The following MED13 variants were observed in gnomAD, a reference collection of about 807,000 sequenced individuals.
MED13 encodes mediator of RNA polymerase II transcription subunit 13.
MED13 carries 23 observed loss-of-function variants against 225.2 expected under a neutral mutation model. The ratio of observed to expected loss-of-function variants is 0.10; its 90% confidence interval spans 0.07 to 0.14. The LOEUF is 0.14. Among genes scored for constraint, MED13 ranks in the 10% least tolerant of loss-of-function variants. The probability of loss-of-function intolerance (pLI) is 1.00; values close to 1 mark genes in which losing one functional copy is unlikely to be tolerated. For synonymous variants in MED13, 942 were observed against 889.2 expected, an observed-to-expected ratio of 1.06 and a Z score of -1.06; for missense variants, 2,197 against 2,594.5, an observed-to-expected ratio of 0.85 and a Z score of 3.33.
chr17:62,002,090 C>G (rs1486703879), intron 9 of MED13, among the ~76,000 whole-genome samples: 2 of 152,090 alleles, frequency 1.3e-5, no homozygotes, highest in African/African-American at 2.4e-5. Context: ...TATAAACAAA[C>G]CAGGCTTCTG....
In MED13 at chr17:61,945,250, T is replaced by C. The variant is rs1411965428; in HGVS notation, c.*1218A>G. ...ACACACACACACCCATACATATGCATACTCTCACATACATTCCCAATCTTT... is the reference window on the plus strand; with the variant it reads ...ACACACACACACCCATACATATGCACACTCTCACATACATTCCCAATCTTT... On this transcript the variant is annotated 3_prime_UTR_variant, in exon 30 of 30. Coordinates refer to ENST00000397786, the MANE Select transcript of MED13 (RefSeq NM_005121.3). The C allele has an allele frequency of 2.0e-5, 3 of 151,996 alleles. No individual in the cohort carries two copies. Among genetic ancestry groups the C allele is most frequent in the Non-Finnish European group, 4.4e-5 (3 of 67,986 alleles). 9.4% of individuals were successfully genotyped at this position (151,996 alleles called of 1,614,324 possible).
intron 26 of MED13, among the ~76,000 whole-genome samples, chr17:61,953,985 T>G (rs553785817): frequency 6.6e-6 from 1 of 152,282 alleles, no homozygotes; most frequent in South Asian, 2.1e-4. Context: ...AGTAAGAGAT[T>G]AACAACGAGA....
chr17:61,958,726 C>A (rs917814005), intron 23 of MED13, among the ~76,000 whole-genome samples: 2 of 151,734 alleles, frequency 1.3e-5, no homozygotes, highest in Non-Finnish European at 2.9e-5. Flanking sequence ...GCCCACCTTG[C>A]CCTCCCAAAG....
rs535195822 is a variant in MED13 at position 62,011,095 on chromosome 17, A to T, written c.1422T>A (p.Thr474=). ...TAACAGACACACGATGGTGAAAAGGAGTCAAGGGGCGTTTCTGTGGCTTTT... is the reference window on the plus strand; with the variant it reads ...TAACAGACACACGATGGTGAAAAGGTGTCAAGGGGCGTTTCTGTGGCTTTT... ...KSEKPQKRPL[T]PFHHRVSVSD... Residue 474 remains threonine, a synonymous_variant, in exon 9 of 30, where the codon ACT becomes ACA. Transcript: ENST00000397786. 6.2e-7 allele frequency: 1 copy of T among 1,614,158 alleles called. No individual in the cohort carries two copies.
chr17:62,060,888 T>C (rs542436824), intron 2 of MED13, among the ~76,000 whole-genome samples: 85 of 151,990 alleles, frequency 5.6e-4, no homozygotes, highest in African/African-American at 2.0e-3. Context: ...TCAGTAGAGA[T>C]GGGGTTTCAC....
intron 10 of MED13, among the ~76,000 whole-genome samples, chr17:61,993,525 C>T (rs2080320749): frequency 6.6e-6 from 1 of 151,788 alleles, no homozygotes; most frequent in South Asian, 2.1e-4. Flanking sequence ...TCTATTATAC[C>T]TGCAGCCTTC....
chr17:61,996,389 T>C (rs767914985), intron 9 of MED13, among the ~76,000 whole-genome samples: 2 of 152,204 alleles, frequency 1.3e-5, no homozygotes, highest in Non-Finnish European at 1.5e-5. Flanking sequence ...AGTCAGATCA[T>C]GGCCAGAATC....
At chr17:61,999,538 G>T (rs967610744) in intron 9 of MED13, among the ~76,000 whole-genome samples, 2 of 152,112 alleles carry the variant, frequency 1.3e-5, no homozygotes, top group Non-Finnish European at 2.9e-5. Context: ...TTTGCCACGT[G>T]TATCTTATAT....
chr17:61,954,156 C>T (rs945816118), intron 26 of MED13, among the ~76,000 whole-genome samples: 4 of 152,134 alleles, frequency 2.6e-5, no homozygotes, highest in Middle Eastern at 3.4e-3. Flanking sequence ...CGAATAATAC[C>T]ATGTTCTTTA....
rs951305396 is a variant in MED13, at chr17:61,944,550, TTG to T, written c.*1916_*1917del. On this transcript the variant is annotated 3_prime_UTR_variant, in exon 30 of 30. Coordinates refer to ENST00000397786, the MANE Select transcript of MED13 (RefSeq NM_005121.3). ...AATGATTGACAACCTTTGTCACCAA[TTG>T]TGTTTGCTTCATAGAAAAAACAAGA... 5.9e-5 allele frequency: 9 copies of T among 152,168 alleles called. No homozygotes were observed. The highest frequency in any genetic ancestry group is 1.2e-4 in the African/African-American group (5 of 41,450). 9.4% of individuals were successfully genotyped at this position (152,168 alleles called of 1,614,324 possible).
chr17:62,038,120 A>C (rs1488660720), intron 3 of MED13, among the ~76,000 whole-genome samples: 1 of 152,138 alleles, frequency 6.6e-6, no homozygotes, highest in African/African-American at 2.4e-5. Context: ...AGAATTTAAA[A>C]ACAGCCAGTC....
At chr17:62,000,031 C>T (rs2080380902) in intron 9 of MED13, among the ~76,000 whole-genome samples, 1 of 152,306 alleles carries the variant, frequency 6.6e-6, no homozygotes, top group East Asian at 1.9e-4. Flanking sequence ...GATCATGCCA[C>T]TGCACCATAG....
chr17:62,055,704 T>C (rs1285493986), intron 2 of MED13, among the ~76,000 whole-genome samples: 3 of 151,812 alleles, frequency 2.0e-5, no homozygotes, highest in Non-Finnish European at 4.4e-5. Flanking sequence ...GCACCTGTAG[T>C]CCCAGCTATC....
At chr17:61,981,242 G>A (rs953602500) in intron 16 of MED13, among the ~76,000 whole-genome samples, 4 of 151,432 alleles carry the variant, frequency 2.6e-5, no homozygotes, top group Admixed American at 6.6e-5. Flanking sequence ...GGCAGGTCTC[G>A]AACTCCTGAC....
chr17:62,056,276 G>GAAAT (rs2080995923), intron 2 of MED13, among the ~76,000 whole-genome samples: 1 of 152,124 alleles, frequency 6.6e-6, no homozygotes, highest in Admixed American at 6.5e-5. Flanking sequence ...TACGAAAAGT[G>GAAAT]AAATGGTACA....
chr17:62,043,567 C>A (rs2080873744), intron 3 of MED13, among the ~76,000 whole-genome samples: 3 of 152,140 alleles, frequency 2.0e-5, no homozygotes, highest in Admixed American at 6.5e-5. Context: ...CACTGACCAC[C>A]AGAGAAGGTA....
rs1478358972 is a variant in MED13, at chr17:61,942,652, TTTTG to T, written c.*3812_*3815del. On this transcript the variant is annotated 3_prime_UTR_variant, in exon 30 of 30. Transcript: ENST00000397786. ...TTCCATTTGAAGTTTTGTTTTTTGT[TTTTG>T]TTTTTTTTTTTTTAAAAAGTATAAA... The T allele has an allele frequency of 1.3e-5, 2 of 152,076 alleles. No homozygotes were observed. Among genetic ancestry groups the T allele is most frequent in the Non-Finnish European group, 2.9e-5 (2 of 67,894 alleles). 9.4% of individuals were successfully genotyped at this position (152,076 alleles called of 1,614,324 possible).
intron 8 of MED13, among the ~76,000 whole-genome samples, chr17:62,024,080 C>T (rs778829691): frequency 7.9e-5 from 12 of 151,852 alleles, no homozygotes; most frequent in Non-Finnish European, 1.5e-4. Flanking sequence ...TGCAGTAACG[C>T]CATCTTGGCT....
Position 61,946,430 on chromosome 17 carries a change from T to C in MED13, c.*38A>G. 4 of 1,599,678 alleles carry C rather than the reference T, an allele frequency of 2.5e-6. No individual in the cohort carries two copies. Among genetic ancestry groups the C allele is most frequent in the Non-Finnish European group, 3.4e-6 (4 of 1,170,964 alleles). On this transcript the variant is annotated 3_prime_UTR_variant, in exon 30 of 30. Transcript: ENST00000397786. Reference sequence around the variant, plus strand: ...AATCCTGCAGCGAAACATCCATTTTTCCTTGTTCTTTTCTTGCACAGTTCC... The same window carrying C: ...AATCCTGCAGCGAAACATCCATTTTCCCTTGTTCTTTTCTTGCACAGTTCC...
Sources: allele counts gnomAD v4.1 joint callset (sites outside exome capture counted in the v4.1 genomes callset), GRCh38; gene constraint gnomAD v4.1.1; transcripts MANE v1.5; gene names NCBI Gene and HGNC (gene_info 2026-07-23, HGNC 2026-07-21).